ARHGEF4: variants seen among roughly 807,000 people sequenced by gnomAD.
ARHGEF4 encodes the protein APC-stimulated guanine nucleotide exchange factor 1.
In ARHGEF4, 119 loss-of-function variants were observed where a neutral mutation model predicts 162.0. That is an observed-to-expected ratio of 0.73 (90% CI 0.63 to 0.86). The LOEUF (loss-of-function observed/expected upper bound fraction) is 0.86, where lower values mean the gene tolerates loss of function less well. Among genes scored for constraint, ARHGEF4 ranks in the 40% least tolerant of loss-of-function variants. ARHGEF4 has a pLI of 0.00. For synonymous variants in ARHGEF4, 1,014 were observed against 979.9 expected, an observed-to-expected ratio of 1.03 and a Z score of -0.65; for missense variants, 2,488 against 2,456.0, an observed-to-expected ratio of 1.01 and a Z score of -0.28.
At chr2:131,009,283 A>T (rs541017992) in intron 4 of ARHGEF4, among the ~76,000 whole-genome samples, 2 of 152,326 alleles carry the variant, frequency 1.3e-5, no homozygotes, top group East Asian at 3.9e-4. Flanking sequence ...TCTTTCAGCA[A>T]TTCAAAGATG....
chr2:130,941,852 C>T (rs1683322025), intron 3 of ARHGEF4, among the ~76,000 whole-genome samples: 1 of 152,078 alleles, frequency 6.6e-6, no homozygotes, highest in Non-Finnish European at 1.5e-5. Flanking sequence ...TATAAGTAAA[C>T]CCGTGCAGTT....
chr2:130,992,991 G>C (rs1235285791), intron 4 of ARHGEF4, among the ~76,000 whole-genome samples: 1 of 152,222 alleles, frequency 6.6e-6, no homozygotes, highest in African/African-American at 2.4e-5. Flanking sequence ...GGCTGAGGCA[G>C]GGGAATCGTT....
At chr2:130,897,251 C>T (rs1680214706) in intron 1 of ARHGEF4, among the ~76,000 whole-genome samples, 1 of 152,208 alleles carries the variant, frequency 6.6e-6, no homozygotes, top group Admixed American at 6.5e-5. Context: ...GATAAGTGAA[C>T]AGCCAGTCCC....
intron 2 of ARHGEF4, among the ~76,000 whole-genome samples, chr2:130,923,471 C>T (rs1010350491): frequency 1.3e-5 from 2 of 152,196 alleles, no homozygotes; most frequent in African/African-American, 4.8e-5. Flanking sequence ...GTAAGCATTA[C>T]TGACCAGTCT....
chr2:131,037,280 C>T (rs1217442313), intron 5 of ARHGEF4, among the ~76,000 whole-genome samples: 5 of 152,212 alleles, frequency 3.3e-5, no homozygotes, highest in African/African-American at 1.2e-4. Context: ...CTTGCTTGCT[C>T]AGGACCCCTG....
rs1338148376 is a variant in ARHGEF4, at chr2:131,038,193, CAAG to C, written c.4126-656_4126-654del. 3.9e-5 allele frequency among the ~76,000 whole-genome samples: 6 copies of C among 152,294 alleles called. No homozygotes were observed. The East Asian group carries it at 7.7e-4, about 20-fold the overall frequency. ...TGACCTTACAGGCAATGCTCATCCA[CAAG>C]AAGCCCACAGGAGGGCACCAGCCCC... On this transcript the variant is annotated intron_variant, in intron 5 of 13. Transcript: ENST00000409359.
intron 4 of ARHGEF4, among the ~76,000 whole-genome samples, chr2:130,962,874 G>C (rs1684716376): frequency 6.6e-6 from 1 of 152,148 alleles, no homozygotes; most frequent in South Asian, 2.1e-4. Flanking sequence ...TATCACGACT[G>C]CCCCTCAACC....
intron 5 of ARHGEF4, among the ~76,000 whole-genome samples, chr2:131,038,219 C>CCCCAGCCCCTCCCTCCTGCAGCCTTGCAG: frequency 6.6e-6 from 1 of 152,186 alleles, no homozygotes; most frequent in African/African-American, 2.4e-5. Context: ...GGGCACCAGC[C>CCCCAGCCCCTCCCTCCTGCAGCCTTGCAG]CCCAGCCCCT....
At chr2:130,965,105 T>G (rs1684918921) in intron 4 of ARHGEF4, among the ~76,000 whole-genome samples, 1 of 152,250 alleles carries the variant, frequency 6.6e-6, no homozygotes, top group Non-Finnish European at 1.5e-5. Flanking sequence ...ACTATGCTTC[T>G]GCATGGGGCT....
rs1488034552 is a variant in ARHGEF4 at position 130,915,684 on chromosome 2, G to C, written c.1738G>C (p.Glu580Gln). Residue 580 changes from glutamate to glutamine, a missense_variant, in exon 2 of 14, where the codon GAA (glutamate) becomes CAA (glutamine). By Grantham distance (29) the Glu-to-Gln change is conservative. Coordinates refer to ENST00000409359, the MANE Select transcript of ARHGEF4 (RefSeq NM_001367493.1). ...EAMVLDPNYREQALQGLSEFK... is the reference protein window; with the variant it reads ...EAMVLDPNYRQQALQGLSEFK... ...CATGGTTCTAGACCCCAACTACAGG[G>C]AACAGGCTTTGCAAGGTCTTTCAGA... 5.2e-6 allele frequency: 8 copies of C among 1,550,372 alleles called. No homozygotes were observed. In the East Asian group the frequency reaches 1.7e-4, roughly 33 times the overall value.
intron 1 of ARHGEF4, among the ~76,000 whole-genome samples, chr2:130,886,852 T>C (rs572655279): frequency 1.3e-5 from 2 of 151,728 alleles, no homozygotes; most frequent in African/African-American, 2.4e-5. Context: ...TTTTTTTTTG[T>C]AGATGGATAT....
chr2:130,887,723 C>A (rs1163112206), intron 1 of ARHGEF4, among the ~76,000 whole-genome samples: 1 of 152,148 alleles, frequency 6.6e-6, no homozygotes, highest in Non-Finnish European at 1.5e-5. Context: ...TTATAATCAG[C>A]AGTAGCTTTC....
At chr2:130,949,382 C>G (rs1004505137) in intron 4 of ARHGEF4, among the ~76,000 whole-genome samples, 4 of 152,116 alleles carry the variant, frequency 2.6e-5, no homozygotes, top group Non-Finnish European at 5.9e-5. Context: ...GAGACGGAGT[C>G]TCGCTCTGTC....
chr2:130,973,419 G>T (rs554032752), intron 4 of ARHGEF4, among the ~76,000 whole-genome samples: 1 of 152,210 alleles, frequency 6.6e-6, no homozygotes, highest in Non-Finnish European at 1.5e-5. Flanking sequence ...AACCTGGGAG[G>T]TGGAGGCTAC....
At chr2:131,035,709 A>G in intron 5 of ARHGEF4, 1 of 985,574 alleles carries the variant, frequency 1.0e-6, no homozygotes, top group Non-Finnish European at 1.2e-6. Flanking sequence ...TTTAGGCCTT[A>G]AAATACGTGG....
Position 131,040,112 on chromosome 2 carries a change from G to A in ARHGEF4, c.4402G>A (p.Asp1468Asn), listed in dbSNP as rs1302344203. The A allele has an allele frequency of 6.2e-7, 1 of 1,612,930 alleles. No homozygotes were observed. Among genetic ancestry groups the A allele is most frequent in the Non-Finnish European group, 8.5e-7 (1 of 1,179,524 alleles). The stretch of plus-strand genomic sequence containing the variant: ...CGGGGCGGAGGCGCAGAGCAGCAAG[G>A]ACCAGATGCGGACCAACGTCATCAA... ...DGGAEAQSSKDQMRTNVINEI... is the reference protein window; with the variant it reads ...DGGAEAQSSKNQMRTNVINEI... Residue 1468 changes from aspartate (D) to asparagine (N), a missense_variant, in exon 7 of 14, where the codon GAC becomes AAC. Asp to Asn is a conservative substitution (Grantham distance 23). This residue lies in a region of ARHGEF4 where 174 missense variants were observed against 148.3 expected (regional missense o/e 1.17). Transcript: ENST00000409359.
chr2:130,886,787 A>G (rs888194816), intron 1 of ARHGEF4, among the ~76,000 whole-genome samples: 8 of 151,796 alleles, frequency 5.3e-5, no homozygotes, highest in African/African-American at 1.9e-4. Flanking sequence ...AATTCCTTTA[A>G]TGGTTGTTGA....
chr2:131,013,303 C>T (rs892823683), intron 4 of ARHGEF4, among the ~76,000 whole-genome samples: 4 of 152,170 alleles, frequency 2.6e-5, no homozygotes, highest in African/African-American at 9.7e-5. Flanking sequence ...AGAAAGTCTG[C>T]ATGAATTTTA....
intron 4 of ARHGEF4, among the ~76,000 whole-genome samples, chr2:130,959,609 G>C (rs1262575505): frequency 3.3e-5 from 5 of 151,564 alleles, no homozygotes; most frequent in African/African-American, 1.2e-4. Flanking sequence ...TAATATTTCA[G>C]ACATTGCTAG....
Sources: gnomAD v4.1 joint callset for allele counts (sites outside exome capture counted in the v4.1 genomes callset) on GRCh38, gnomAD v4.1.1 for gene constraint, gnomAD v4.1.1 regional missense constraint, MANE v1.5 for transcripts, NCBI Gene and HGNC (gene_info 2026-07-23, HGNC 2026-07-21) for gene names.